Variants in ADAMTS2 observed in about 807,000 individuals in gnomAD.
The protein encoded by ADAMTS2 is A disintegrin and metalloproteinase with thrombospondin motifs 2.
ADAMTS2 carries 50 observed loss-of-function variants against 123.0 expected under a neutral mutation model. The observed-to-expected ratio is 0.41, with a 90% confidence interval of 0.32 to 0.51. The LOEUF is 0.51. Among genes scored for constraint, ADAMTS2 ranks in the 20% least tolerant of loss-of-function variants. The probability of loss-of-function intolerance (pLI) is 0.35; values close to 1 mark genes in which losing one functional copy is unlikely to be tolerated. For missense variants in ADAMTS2, 1,494 were observed against 1,705.2 expected, an observed-to-expected ratio of 0.88 and a Z score of 2.18; for synonymous variants, 678 against 695.4, an observed-to-expected ratio of 0.98 and a Z score of 0.39.
intron 3 of ADAMTS2, among the ~76,000 whole-genome samples, chr5:179,215,358 G>T (rs917404129): frequency 6.6e-6 from 1 of 152,208 alleles, no homozygotes; most frequent in African/African-American, 2.4e-5. Flanking sequence ...TGAGGCAGGA[G>T]AATCGCTTGA....
At chr5:179,131,467 C>T (rs949515943) in intron 15 of ADAMTS2, among the ~76,000 whole-genome samples, 5 of 152,060 alleles carry the variant, frequency 3.3e-5, no homozygotes, top group African/African-American at 7.2e-5. Context: ...TCCACGGCAG[C>T]GTGGGAGCCC....
rs1287326394 is a variant in ADAMTS2 at position 179,158,876 on chromosome 5, T to G, written c.979A>C (p.Met327Leu). 1.9e-6 allele frequency: 3 copies of G among 1,613,924 alleles called. No homozygotes were observed. In the South Asian group the frequency reaches 3.3e-5, roughly 18 times the overall value. The change falls in exon 6 of 22, where the codon ATG becomes CTG. Residue 327 changes from methionine to leucine, a missense_variant. Met to Leu is a conservative substitution (Grantham distance 15). Coordinates refer to ENST00000251582, the MANE Select transcript of ADAMTS2 (RefSeq NM_014244.5). The surrounding 1 kb of genome is among the most constrained non-coding windows in gnomAD (Gnocchi z 5.0). The stretch of plus-strand genomic sequence containing the variant: ...GGGTTCCCGATCTCGATGAGGCTCA[T>G]GGACTGCAGGGGGATGGAGAGAAAT... Reference protein sequence around the residue: ...RIILLSYGKSMSLIEIGNPSQ... With the variant: ...RIILLSYGKSLSLIEIGNPSQ...
intron 2 of ADAMTS2, among the ~76,000 whole-genome samples, chr5:179,284,543 T>C (rs1026030306): frequency 1.3e-5 from 2 of 151,964 alleles, no homozygotes; most frequent in Admixed American, 6.6e-5. Flanking sequence ...CACAACACCA[T>C]GCCTGGCTAA....
chr5:179,323,797 T>C (rs1164541291), intron 2 of ADAMTS2, among the ~76,000 whole-genome samples: 2 of 152,252 alleles, frequency 1.3e-5, no homozygotes, highest in African/African-American at 4.8e-5. Flanking sequence ...CTCCTAGGTC[T>C]TATTATTTAA....
chr5:179,171,237 C>T (rs1457598835), intron 5 of ADAMTS2, among the ~76,000 whole-genome samples: 8 of 152,162 alleles, frequency 5.3e-5, no homozygotes, highest in Admixed American at 5.2e-4. Flanking sequence ...ACTGCTGCTC[C>T]CAGGATGGCC....
At chr5:179,182,811 C>A (rs1456588597) in intron 4 of ADAMTS2, among the ~76,000 whole-genome samples, 1 of 152,156 alleles carries the variant, frequency 6.6e-6, no homozygotes, top group African/African-American at 2.4e-5. Flanking sequence ...GGGCTGTAGG[C>A]GTCTGGGGAG....
rs532671923 is a variant in ADAMTS2, at chr5:179,115,259, A to G, written c.3179-935T>C. 7.6e-4 allele frequency among the ~76,000 whole-genome samples: 115 copies of G among 152,104 alleles called. 1 individual carries two copies. Among genetic ancestry groups the G allele is most frequent in the Non-Finnish European group, 1.3e-4 (9 of 67,998 alleles). ...GTCTGCGGCTATGTTCATTCAACCC[A>G]TCAACTCTTCTTGCGCTCACACTCT... On this transcript the variant is annotated intron_variant, in intron 21 of 21. Transcript: ENST00000251582. The surrounding 1 kb of genome is among the most constrained non-coding windows in gnomAD (Gnocchi z 4.4).
Position 179,296,686 on chromosome 5 carries a change from G to A in ADAMTS2, c.535-23622C>T, listed in dbSNP as rs147228325. ...GGGCAGAGGGCAGGAGGGAGAGGCG[G>A]CGGGCAGAGAGAGGCTGCTGCGTGC... On this transcript the variant is annotated intron_variant, in intron 2 of 21. Coordinates refer to ENST00000251582, the MANE Select transcript of ADAMTS2 (RefSeq NM_014244.5). Among the ~76,000 whole-genome samples the A allele has an allele frequency of 6.4e-3, 980 of 152,226 alleles. 9 individuals are homozygous for A. The highest frequency in any genetic ancestry group is 0.021 in the African/African-American group (863 of 41,524).
At position 179,153,552 on chromosome 5, in the gene ADAMTS2, T is replaced by C. The variant is rs1164379594; in HGVS notation, c.1454A>G (p.His485Arg). The C allele has an allele frequency of 6.2e-7, 1 of 1,610,630 alleles. No homozygotes were observed. Among genetic ancestry groups the C allele is most frequent in the Non-Finnish European group, 8.5e-7 (1 of 1,179,820 alleles). The part of the protein sequence containing the change: ...WPALPQLPGL[H>R]YSMNEQCRFD... ...GCGGCATTGCTCGTTCATGGAGTAG[T>C]GCAGTCCCGGGAGCTGGGGCAGCGC... Residue 485 changes from histidine to arginine, a missense_variant, in exon 9 of 22, where the codon CAC (histidine) becomes CGC (arginine). Physicochemically the swap from His to Arg is conservative, Grantham distance 29 (BLOSUM62 0). This residue lies in a region of ADAMTS2 where 953 missense variants were observed against 1,124.7 expected (regional missense o/e 0.85). Coordinates refer to ENST00000251582, the MANE Select transcript of ADAMTS2 (RefSeq NM_014244.5).
chr5:179,132,140 GCCCCTGA>G lies in ADAMTS2; in HGVS notation c.2290+83_2290+89del, dbSNP rs1581142914. On this transcript the variant is annotated intron_variant, in intron 15 of 21. Transcript: ENST00000251582. The surrounding 1 kb of genome is among the most constrained non-coding windows in gnomAD (Gnocchi z 6.1). ...CTCAGGTCATGGCTGCACAACCCGGGCCCCTGACCCCTGACCCCTGGCACTCTGCCCA... is the reference window on the plus strand; with the variant it reads ...CTCAGGTCATGGCTGCACAACCCGGGCCCCTGACCCCTGGCACTCTGCCCA... 2 of 1,316,600 alleles carry G rather than the reference GCCCCTGA, an allele frequency of 1.5e-6. No individual in the cohort carries two copies. Among genetic ancestry groups the G allele is most frequent in the Non-Finnish European group, 2.2e-6 (2 of 924,370 alleles). The allele number at this position is 1,316,600 out of a possible 1,614,324, so 81.6% of individuals were successfully genotyped here.
At position 179,119,281 on chromosome 5, in the gene ADAMTS2, C is replaced by T. The variant is rs1209940621; in HGVS notation, c.3178+2380G>A. Among the ~76,000 whole-genome samples the T allele has an allele frequency of 2.6e-5, 4 of 152,216 alleles. No homozygotes were observed. In the East Asian group the frequency reaches 5.8e-4, roughly 22 times the overall value. ...CTCTGGGCAGGCTGAACTCAGCCAT[C>T]GCTACCATGGTTGCTCCCTCCCCAG... On this transcript the variant is annotated intron_variant, in intron 21 of 21. Coordinates refer to ENST00000251582, the MANE Select transcript of ADAMTS2 (RefSeq NM_014244.5).
rs974339685 is a variant in ADAMTS2, at chr5:179,260,999, A to G, written c.688+11912T>C. Among the ~76,000 whole-genome samples, 6 of 152,156 alleles carry G rather than the reference A, an allele frequency of 3.9e-5. No homozygotes were observed. Among genetic ancestry groups the G allele is most frequent in the Admixed American group, 1.3e-4 (2 of 15,262 alleles). On this transcript the variant is annotated intron_variant, in intron 3 of 21. Transcript: ENST00000251582. The surrounding 1 kb of genome is among the most constrained non-coding windows in gnomAD (Gnocchi z 4.2). Reference sequence around the variant, plus strand: ...GTCCTTGAACGCAAACTTGGCTCCAACGGGGCAGGAGAAGGATCATTCAGA... The same window carrying G: ...GTCCTTGAACGCAAACTTGGCTCCAGCGGGGCAGGAGAAGGATCATTCAGA...
At chr5:179,274,725 G>A (rs966413513) in intron 2 of ADAMTS2, among the ~76,000 whole-genome samples, 5 of 152,248 alleles carry the variant, frequency 3.3e-5, no homozygotes, top group African/African-American at 1.2e-4. Flanking sequence ...CTGCTGGGCG[G>A]CTGCCCCTAG....
chr5:179,320,094 G>A (rs539075854), intron 2 of ADAMTS2, among the ~76,000 whole-genome samples: 7 of 152,330 alleles, frequency 4.6e-5, no homozygotes, highest in African/African-American at 1.7e-4. Context: ...GAGCTGTAGA[G>A]GCTGGTCAGC....
chr5:179,129,083 C>T lies in ADAMTS2; in HGVS notation c.2457+849G>A, dbSNP rs575362058. ...TCTGTGCGTGTCCGTTTGGGGCTCA[C>T]GAATCAATTTTAGTGAGCAGGTGAA... is the stretch of plus-strand genomic sequence containing the variant. On this transcript the variant is annotated intron_variant, in intron 16 of 21. Coordinates refer to ENST00000251582, the MANE Select transcript of ADAMTS2 (RefSeq NM_014244.5). This position sits in a 1 kb window ranked among gnomAD's most constrained non-coding sequence, Gnocchi z 4.1. Among the ~76,000 whole-genome samples, 8 of 152,152 alleles carry T rather than the reference C, an allele frequency of 5.3e-5. No individual in the cohort carries two copies. Among genetic ancestry groups the T allele is most frequent in the Non-Finnish European group, 7.3e-5 (5 of 68,038 alleles).
chr5:179,183,857 G>A (rs1019391921), intron 4 of ADAMTS2, among the ~76,000 whole-genome samples: 1 of 152,156 alleles, frequency 6.6e-6, no homozygotes, highest in Non-Finnish European at 1.5e-5. Context: ...CATGGGGGTG[G>A]GACCCTCATG....
At chr5:179,174,891 G>A (rs4701075) in intron 5 of ADAMTS2, among the ~76,000 whole-genome samples, 4,216 of 56,026 alleles carry the variant, frequency 0.075, 307 homozygotes, top group African/African-American at 0.2. Flanking sequence ...CTTGGGTTCC[G>A]CAGCTGTCTC....
At chr5:179,157,725 A>G (rs999711083) in intron 6 of ADAMTS2, among the ~76,000 whole-genome samples, 28 of 151,788 alleles carry the variant, frequency 1.8e-4, no homozygotes, top group African/African-American at 6.8e-4. Flanking sequence ...GCCTTTTCAT[A>G]TGTTTATTGC....
intron 3 of ADAMTS2, among the ~76,000 whole-genome samples, chr5:179,216,034 G>A (rs1764971271): frequency 6.6e-6 from 1 of 152,182 alleles, no homozygotes; most frequent in Non-Finnish European, 1.5e-5. Flanking sequence ...GCTACTGAAA[G>A]GTGTGCACCA....
Sources: gnomAD v4.1 joint callset for allele counts (sites outside exome capture counted in the v4.1 genomes callset) on GRCh38, gnomAD v4.1.1 for gene constraint, gnomAD v4.1.1 regional missense constraint, Gnocchi (gnomAD v3.1) non-coding constraint, MANE v1.5 for transcripts, NCBI Gene and HGNC (gene_info 2026-07-23, HGNC 2026-07-21) for gene names.